THUMPD2: variants seen among roughly 807,000 people sequenced by gnomAD.
THUMPD2 encodes U6 snRNA (guanine-N(2))-methyltransferase THUMPD2.
A neutral mutation model predicts 49.4 loss-of-function variants in THUMPD2; 56 were observed. The ratio of observed to expected loss-of-function variants is 1.13; its 90% confidence interval spans 0.91 to 1.41. The LOEUF is 1.41. Among genes scored for constraint, THUMPD2 ranks in the 40% most tolerant of loss-of-function variants. The pLI is 0.00. For synonymous variants in THUMPD2, 237 were observed against 205.2 expected (o/e 1.15, Z -1.32); for missense variants, 709 against 594.5 (o/e 1.19, Z -2.00).
chr2:39,745,111 A>G (rs1290157302), intron 8 of THUMPD2, among the ~76,000 whole-genome samples: 1 of 152,126 alleles, frequency 6.6e-6, no homozygotes, highest in African/African-American at 2.4e-5. Flanking sequence ...CCTAACATCC[A>G]CATCTTCTAG....
At chr2:39,748,262 T>C (rs79962868) in intron 8 of THUMPD2, among the ~76,000 whole-genome samples, 57 of 152,344 alleles carry the variant, frequency 3.7e-4, no homozygotes, top group Non-Finnish European at 7.1e-4. Context: ...ACACTTTGGC[T>C]GATTTACAGA....
chr2:39,747,829 C>T (rs1674814228), intron 8 of THUMPD2, among the ~76,000 whole-genome samples: 2 of 152,090 alleles, frequency 1.3e-5, no homozygotes. Context: ...GTTTACAAAA[C>T]TCAAATTATC....
intron 8 of THUMPD2, 54 bp from the exon 9 acceptor site, chr2:39,744,532 TTAAA>T (rs1674317446): frequency 3.5e-6 from 4 of 1,147,864 alleles, no homozygotes; most frequent in African/African-American, 1.6e-5. Context: ...TATTTACAAC[TTAAA>T]TAATGAGAAA....
intron 1 of THUMPD2, among the ~76,000 whole-genome samples, chr2:39,773,370 C>T (rs1397658848): frequency 6.6e-6 from 1 of 151,698 alleles, no homozygotes; most frequent in Non-Finnish European, 1.5e-5. Flanking sequence ...GTTTCAAATT[C>T]TGTAAACAAG....
chr2:39,779,034 C>G, intron 1 of THUMPD2, 80 bp downstream of exon 1: 1 of 1,351,754 alleles, frequency 7.4e-7, no homozygotes, highest in Non-Finnish European at 9.5e-7. Context: ...GCGACGCTTT[C>G]CCGCGTCCAC....
chr2:39,769,989 G>C lies in THUMPD2; in HGVS notation c.393C>G (p.Asn131Lys), dbSNP rs777574612. Residue 131 changes from asparagine (N) to lysine (K), a missense_variant, in exon 3 of 10, where the codon AAC becomes AAG. Asn to Lys is a moderately conservative substitution (Grantham distance 94). Coordinates refer to ENST00000505747, the MANE Select transcript of THUMPD2 (RefSeq NM_025264.5). ...TTTCTCCCACTTTTCTTTTTAGTTGGTTATCATCTCTCTGAGAAAGTTTTT... is the reference window on the plus strand; with the variant it reads ...TTTCTCCCACTTTTCTTTTTAGTTGCTTATCATCTCTCTGAGAAAGTTTTT... The part of the protein sequence containing the change: ...KKEKLSQRDD[N>K]QLKRKVGENE... The C allele has an allele frequency of 1.9e-6, 3 of 1,574,140 alleles. No individual in the cohort carries two copies. The highest frequency in any genetic ancestry group is 2.4e-5 in the South Asian group (2 of 82,306).
chr2:39,771,326 G>C (rs1678283043), intron 2 of THUMPD2, among the ~76,000 whole-genome samples, 179 bp downstream of exon 2: 1 of 152,030 alleles, frequency 6.6e-6, no homozygotes, highest in Admixed American at 6.5e-5. Context: ...GCAAAGAGAA[G>C]AAATATTCTA....
chr2:39,774,310 C>A (rs1033559110), intron 1 of THUMPD2, among the ~76,000 whole-genome samples: 8 of 152,182 alleles, frequency 5.3e-5, no homozygotes, highest in Non-Finnish European at 1.0e-4. Context: ...CAATGTTTAA[C>A]ATTAGAAGTG....
rs556945379 is a variant in THUMPD2, at chr2:39,774,649, G to A, written c.127-3009C>T. Among the ~76,000 whole-genome samples the A allele has an allele frequency of 2.0e-5, 3 of 152,242 alleles. No individual in the cohort carries two copies. In the East Asian group the frequency reaches 5.8e-4, roughly 29 times the overall value. The stretch of plus-strand genomic sequence containing the variant: ...AATAGTAGGGAGAATGAATTTTGGT[G>A]CTTATGACTTCAAAAACTGCTGAAG... On this transcript the variant is annotated intron_variant, in intron 1 of 9. Transcript: ENST00000505747.
chr2:39,763,766 T>A (rs998357160), intron 5 of THUMPD2, among the ~76,000 whole-genome samples: 3 of 152,216 alleles, frequency 2.0e-5, no homozygotes, highest in African/African-American at 4.8e-5. Context: ...AAGGATAACA[T>A]CCAAGCTGTT....
chr2:39,749,116 G>A lies in THUMPD2; in HGVS notation c.1079-4638C>T, dbSNP rs535906363. Among the ~76,000 whole-genome samples the A allele has an allele frequency of 4.6e-5, 7 of 152,222 alleles. No individual in the cohort carries two copies. In the South Asian group the frequency reaches 1.5e-3, roughly 32 times the overall value. The stretch of plus-strand genomic sequence containing the variant: ...ATTTCAAGTGCATTTCTGCTCCATA[G>A]GTTTTAATAAGAATATTAATTTTTA... On this transcript the variant is annotated intron_variant, in intron 8 of 9. Transcript: ENST00000505747.
intron 3 of THUMPD2, chr2:39,769,204 G>A: frequency 1.3e-6 from 1 of 768,894 alleles, no homozygotes; most frequent in South Asian, 2.2e-5. Context: ...GTAGATTTAA[G>A]GAAATTTTTA....
chr2:39,757,767 A>G (rs1676331198), intron 6 of THUMPD2, among the ~76,000 whole-genome samples: 1 of 152,252 alleles, frequency 6.6e-6, no homozygotes, highest in Admixed American at 6.5e-5. Flanking sequence ...AGGAAGGAGA[A>G]CAGTTTATAG....
intron 8 of THUMPD2, among the ~76,000 whole-genome samples, chr2:39,752,464 T>G (rs1219354646): frequency 6.6e-6 from 1 of 152,184 alleles, no homozygotes; most frequent in Non-Finnish European, 1.5e-5. Context: ...TAAATTGTAT[T>G]TATAATTAGA....
chr2:39,771,207 A>T (rs1678268402), intron 2 of THUMPD2, among the ~76,000 whole-genome samples: 1 of 152,162 alleles, frequency 6.6e-6, no homozygotes, highest in East Asian at 1.9e-4. Flanking sequence ...AAATCCAAAT[A>T]AATGCAACTG....
At chr2:39,761,540 C>T in intron 5 of THUMPD2, 122 bp from the exon 6 acceptor site, 1 of 884,030 alleles carries the variant, frequency 1.1e-6, no homozygotes, top group Admixed American at 2.2e-5. Flanking sequence ...CTAAAGTATT[C>T]CCTAAGTTAG....
chr2:39,776,334 T>G (rs566382047), intron 1 of THUMPD2, among the ~76,000 whole-genome samples: 4 of 151,338 alleles, frequency 2.6e-5, no homozygotes, highest in African/African-American at 9.7e-5. Context: ...AATTCCAACT[T>G]ACAGGAAATA....
rs1558527249 is a variant in THUMPD2, at chr2:39,766,076, CCA to C, written c.782_783del (p.Val261GlyfsTer34). The stretch of plus-strand genomic sequence containing the variant: ...ATCTACCTGAACACAGGAATCCCCA[CCA>C]CAGAGTAAATGTCATTTAGATGTAT... ...IFIHLNDIYSVVGIPVFRVSL... is the reference protein window; with the variant it reads ...IFIHLNDIYSXVGIPVFRVSL... On this transcript the variant is annotated frameshift_variant, in exon 5 of 10. Transcript: ENST00000505747. LOFTEE classifies it high-confidence loss of function. 6.3e-7 allele frequency: 1 copy of C among 1,584,926 alleles called. No homozygotes were observed.
chr2:39,770,243 T>C (rs1038648596), intron 2 of THUMPD2, 124 bp from the exon 3 acceptor site: 2 of 633,700 alleles, frequency 3.2e-6, no homozygotes, highest in Non-Finnish European at 4.7e-6. Context: ...GCTACACGAA[T>C]AACTTCACTT....
Sources: gnomAD v4.1 joint callset for allele counts (sites outside exome capture counted in the v4.1 genomes callset) on GRCh38, gnomAD v4.1.1 for gene constraint, MANE v1.5 for transcripts, NCBI Gene and HGNC (gene_info 2026-07-23, HGNC 2026-07-21) for gene names.